Variants in NPFFR2 observed in about 807,000 individuals in gnomAD.
NPFFR2 encodes the protein G-protein coupled receptor 74.
NPFFR2 carries 15 observed loss-of-function variants against 13.1 expected under a neutral mutation model. That is an observed-to-expected ratio of 1.15 (90% CI 0.77 to 1.76). NPFFR2 has a LOEUF of 1.76. Among genes scored for constraint, NPFFR2 ranks in the 40% most tolerant of loss-of-function variants. NPFFR2 has a pLI of 0.00. For missense variants in NPFFR2, 572 were observed against 503.5 expected (o/e 1.14, Z -1.30); for synonymous variants, 190 against 175.7 (o/e 1.08, Z -0.65).
intron 1 of NPFFR2, among the ~76,000 whole-genome samples, chr4:72,079,869 T>C (rs2109791782): frequency 6.6e-6 from 1 of 152,270 alleles, no homozygotes; most frequent in East Asian, 1.9e-4. Context: ...GAGACATCTC[T>C]TACATGATTG....
intron 3 of NPFFR2, among the ~76,000 whole-genome samples, chr4:72,144,202 G>A (rs76291127): frequency 6.7e-6 from 1 of 149,434 alleles, no homozygotes; most frequent in Non-Finnish European, 1.5e-5. Flanking sequence ...ATATGTGGGG[G>A]CCTAAGAGAG....
chr4:72,091,047 ATGCTGGAT>A (rs1328737692), intron 1 of NPFFR2, among the ~76,000 whole-genome samples: 1 of 151,962 alleles, frequency 6.6e-6, no homozygotes, highest in Non-Finnish European at 1.5e-5. Context: ...TCATAACGGG[ATGCTGGAT>A]TTTGTCAAAT....
chr4:72,130,463 G>GT (rs1258529191), intron 2 of NPFFR2, among the ~76,000 whole-genome samples: 1 of 152,088 alleles, frequency 6.6e-6, no homozygotes, highest in Non-Finnish European at 1.5e-5. Flanking sequence ...AAAGCTTAGG[G>GT]TAGCACCCTA....
chr4:72,113,663 G>C (rs1419995633), intron 1 of NPFFR2, among the ~76,000 whole-genome samples: 2 of 152,060 alleles, frequency 1.3e-5, no homozygotes, highest in African/African-American at 2.4e-5. Flanking sequence ...AAGAAACATG[G>C]TTCAAAAGCT....
chr4:72,091,670 G>A (rs369027756), intron 1 of NPFFR2, among the ~76,000 whole-genome samples: 8 of 151,852 alleles, frequency 5.3e-5, no homozygotes, highest in African/African-American at 1.7e-4. Flanking sequence ...CTGTAGTGTC[G>A]GTTGTAATAT....
chr4:72,120,307 G>A (rs1482048258), intron 1 of NPFFR2, among the ~76,000 whole-genome samples: 2 of 151,730 alleles, frequency 1.3e-5, no homozygotes, highest in Non-Finnish European at 2.9e-5. Flanking sequence ...GCACCTGGGG[G>A]AAGAGCGGCT....
At chr4:72,036,659 C>T (rs910794619) in intron 1 of NPFFR2, among the ~76,000 whole-genome samples, 5 of 149,604 alleles carry the variant, frequency 3.3e-5, no homozygotes. Flanking sequence ...CATGATTTCC[C>T]ATAATGAAAA....
intron 1 of NPFFR2, among the ~76,000 whole-genome samples, chr4:72,048,711 A>C (rs1719453593): frequency 6.7e-6 from 1 of 148,786 alleles, no homozygotes; most frequent in Non-Finnish European, 1.5e-5. Context: ...ATACTTTGGT[A>C]ATGTGGTCAA....
At chr4:72,123,306 A>G (rs1014696201) in intron 1 of NPFFR2, among the ~76,000 whole-genome samples, 6 of 152,186 alleles carry the variant, frequency 3.9e-5, no homozygotes, top group African/African-American at 1.4e-4. Flanking sequence ...CCAGAACCAG[A>G]TGGATTCACA....
intron 1 of NPFFR2, among the ~76,000 whole-genome samples, chr4:72,096,665 C>T (rs887162314): frequency 6.6e-6 from 1 of 151,864 alleles, no homozygotes; most frequent in Non-Finnish European, 1.5e-5. Context: ...TGAAATTTAC[C>T]AACCTGGGGA....
At chr4:72,131,452 G>T (rs1232106979) in intron 2 of NPFFR2, among the ~76,000 whole-genome samples, 6 of 117,578 alleles carry the variant, frequency 5.1e-5, no homozygotes, top group Admixed American at 2.1e-4. Context: ...GTTGTGGGGT[G>T]GGGGGAGGGG....
chr4:72,081,640 A>C (rs1049305496), intron 1 of NPFFR2, among the ~76,000 whole-genome samples: 2 of 151,894 alleles, frequency 1.3e-5, no homozygotes, highest in Non-Finnish European at 2.9e-5. Context: ...GATGCATGCC[A>C]CCACACCTGG....
Position 72,131,503 on chromosome 4 carries a change from G to A in NPFFR2, c.328+2584G>A, listed in dbSNP as rs184950253. Among the ~76,000 whole-genome samples the A allele has an allele frequency of 5.0e-3, 754 of 150,820 alleles. 4 individuals are homozygous for A. Among genetic ancestry groups the A allele is most frequent in the Non-Finnish European group, 7.8e-3 (525 of 67,682 alleles). On this transcript the variant is annotated intron_variant, in intron 2 of 3. Coordinates refer to ENST00000308744, the MANE Select transcript of NPFFR2 (RefSeq NM_004885.3). ...GGAGATATACCTAATGCTAGATGAC[G>A]AGTTAGTGGGTGCAGCGCACCAGCA... is the stretch of plus-strand genomic sequence containing the variant.
chr4:72,070,616 A>T (rs1042836569), intron 1 of NPFFR2, among the ~76,000 whole-genome samples: 1 of 129,560 alleles, frequency 7.7e-6, no homozygotes, highest in South Asian at 2.6e-4. Context: ...TTTTATGCAG[A>T]GTGTTTTGTG....
rs543745003 is a variant in NPFFR2 at position 72,073,048 on chromosome 4, A to C, written c.-8+40848A>C. 5.3e-5 allele frequency among the ~76,000 whole-genome samples: 8 copies of C among 152,212 alleles called. No individual in the cohort carries two copies. In the South Asian group the frequency reaches 1.7e-3, roughly 32 times the overall value. On this transcript the variant is annotated intron_variant, in intron 1 of 3. Coordinates refer to ENST00000308744, the MANE Select transcript of NPFFR2 (RefSeq NM_004885.3). ...CAAAATAGAGTTTTTAAAATGATTC[A>C]ACTATATGCCATCTACAAGAGACTC...
intron 1 of NPFFR2, among the ~76,000 whole-genome samples, chr4:72,078,983 T>C (rs887485971): frequency 2.6e-5 from 4 of 151,974 alleles, no homozygotes; most frequent in Non-Finnish European, 4.4e-5. Flanking sequence ...GGAATACTTA[T>C]GATAAAACTG....
chr4:72,137,862 G>C (rs1463416015), intron 2 of NPFFR2, among the ~76,000 whole-genome samples, 178 bp from the exon 3 acceptor site: 3 of 152,172 alleles, frequency 2.0e-5, no homozygotes, highest in Non-Finnish European at 4.4e-5. Flanking sequence ...ATTATTGTTA[G>C]TGTACTGAAA....
intron 1 of NPFFR2, among the ~76,000 whole-genome samples, chr4:72,113,358 T>A (rs1721619077): frequency 6.6e-6 from 1 of 152,038 alleles, no homozygotes; most frequent in Admixed American, 6.6e-5. Flanking sequence ...CCACTAGCAC[T>A]AGCCAGGGGA....
At chr4:72,081,698 C>T (rs180823353) in intron 1 of NPFFR2, among the ~76,000 whole-genome samples, 10 of 151,986 alleles carry the variant, frequency 6.6e-5, no homozygotes, top group African/African-American at 2.2e-4. Context: ...GCTATGTTGC[C>T]TAAGCTTGTC....
Sources: gnomAD v4.1 joint callset for allele counts (sites outside exome capture counted in the v4.1 genomes callset) on GRCh38, gnomAD v4.1.1 for gene constraint, MANE v1.5 for transcripts, NCBI Gene and HGNC (gene_info 2026-07-23, HGNC 2026-07-21) for gene names.